The following GLDC variants were observed in gnomAD, a reference collection of about 807,000 sequenced individuals.
GLDC encodes the protein glycine dehydrogenase (decarboxylating), mitochondrial.
GLDC carries 104 observed loss-of-function variants against 121.3 expected under a neutral mutation model. That is an observed-to-expected ratio of 0.86 (90% CI 0.73 to 1.01). The LOEUF is 1.01. Ranked by LOEUF, GLDC falls within the 50% of genes least tolerant of loss-of-function variation. The probability of loss-of-function intolerance (pLI) is 0.00; values close to 1 mark genes in which losing one functional copy is unlikely to be tolerated. For missense variants in GLDC, 1,429 were observed against 1,306.6 expected (o/e 1.09, Z -1.44); for synonymous variants, 546 against 480.6 (o/e 1.14, Z -1.78).
intron 15 of GLDC, among the ~76,000 whole-genome samples, chr9:6,585,771 A>C (rs1031110216): frequency 6.6e-5 from 10 of 152,180 alleles, no homozygotes; most frequent in Non-Finnish European, 1.5e-4. Context: ...CATTTTCTAA[A>C]GATATTCTAA....
intron 3 of GLDC, among the ~76,000 whole-genome samples, chr9:6,614,079 GCCCA>G (rs1818917873): frequency 6.6e-6 from 1 of 151,864 alleles, no homozygotes; most frequent in Admixed American, 6.6e-5. Flanking sequence ...TAATTATCAC[GCCCA>G]CCCTGATAAT....
intron 15 of GLDC, among the ~76,000 whole-genome samples, chr9:6,579,066 AT>A (rs1187640018): frequency 6.6e-6 from 1 of 152,208 alleles, no homozygotes; most frequent in Non-Finnish European, 1.5e-5. Context: ...ACAGGGTAGC[AT>A]ATACTATTCC....
At chr9:6,610,123 A>C in intron 4 of GLDC, 69 bp downstream of exon 4, 1 of 1,164,896 alleles carries the variant, frequency 8.6e-7, no homozygotes, top group Non-Finnish European at 1.3e-6. Context: ...ACAATATACT[A>C]TAGAAAGAAA....
At chr9:6,560,145 G>A (rs2129740504) in intron 16 of GLDC, among the ~76,000 whole-genome samples, 1 of 152,284 alleles carries the variant, frequency 6.6e-6, no homozygotes, top group East Asian at 1.9e-4. Flanking sequence ...GTCCCAGTGG[G>A]AAAGTAAGTC....
intron 22 of GLDC, among the ~76,000 whole-genome samples, chr9:6,538,216 A>G (rs555634332): frequency 2.6e-5 from 4 of 152,024 alleles, no homozygotes; most frequent in African/African-American, 7.2e-5. Flanking sequence ...TGGTCCCCAT[A>G]TTTTGAACCA....
Position 6,539,596 on chromosome 9 carries a change from G to A in GLDC, c.2665+455C>T, listed in dbSNP as rs748309954. ...CCACTAATGCACAGGTAAAGTGTCC[G>A]TGTCTTTCAAAATGCTTCAAAGAAA... On this transcript the variant is annotated intron_variant, in intron 22 of 24. Transcript: ENST00000321612. Among the ~76,000 whole-genome samples the A allele has an allele frequency of 1.8e-4, 28 of 152,284 alleles. 1 individual carries two copies. The South Asian group carries it at 3.1e-3, about 17-fold the overall frequency.
intron 2 of GLDC, among the ~76,000 whole-genome samples, chr9:6,632,181 AT>A (rs1355476408): frequency 6.6e-6 from 1 of 152,198 alleles, no homozygotes; most frequent in East Asian, 1.9e-4. Flanking sequence ...TGCAATGAAA[AT>A]TCACCTAAAC....
At chr9:6,634,448 G>C (rs1027884515) in intron 2 of GLDC, among the ~76,000 whole-genome samples, 3 of 152,018 alleles carry the variant, frequency 2.0e-5, no homozygotes, top group South Asian at 2.1e-4. Context: ...AGGATCGCTT[G>C]AGCCTGGGAG....
intron 2 of GLDC, among the ~76,000 whole-genome samples, chr9:6,621,829 T>A (rs1393036959): frequency 6.6e-6 from 1 of 152,172 alleles, no homozygotes; most frequent in Non-Finnish European, 1.5e-5. Flanking sequence ...GAAGGGTACT[T>A]TTTAGATAGA....
intron 22 of GLDC, 81 bp from the exon 23 acceptor site, chr9:6,536,317 T>C: frequency 8.7e-7 from 1 of 1,151,692 alleles, no homozygotes; most frequent in Non-Finnish European, 1.3e-6. Flanking sequence ...TATCCCTTCT[T>C]ATATTTTATC....
intron 8 of GLDC, among the ~76,000 whole-genome samples, chr9:6,600,271 G>A (rs1440400790): frequency 6.6e-6 from 1 of 151,944 alleles, no homozygotes; most frequent in Admixed American, 6.6e-5. Flanking sequence ...AGGAGGCTGA[G>A]ACCGGAGAAT....
At chr9:6,604,828 C>G in intron 6 of GLDC, 44 bp from the exon 7 acceptor site, 1 of 1,491,330 alleles carries the variant, frequency 6.7e-7, no homozygotes. Flanking sequence ...GCTACCTTTC[C>G]CTGAGAGTAG....
intron 2 of GLDC, among the ~76,000 whole-genome samples, chr9:6,636,082 C>A (rs1819495920): frequency 6.6e-6 from 1 of 151,894 alleles, no homozygotes; most frequent in Admixed American, 6.6e-5. Flanking sequence ...GTGGGTAGAT[C>A]ATCTGAGGTC....
At chr9:6,565,519 A>G (rs749686509) in intron 15 of GLDC, 90 bp from the exon 16 acceptor site, 2 of 951,608 alleles carry the variant, frequency 2.1e-6, no homozygotes, top group African/African-American at 1.6e-5. Context: ...CCAGGGGTTC[A>G]CCAGCACGTG....
Position 6,592,235 on chromosome 9 carries a change from C to G in GLDC, c.1402-12G>C, listed in dbSNP as rs1587950372. ...AGAGAAATACCAAGCTACAGAAACA[C>G]AAACAAAATGGAAAACATCAACTCT... is the stretch of plus-strand genomic sequence containing the variant. On this transcript the variant is annotated splice_polypyrimidine_tract_variant and intron_variant, in intron 10 of 24. Coordinates refer to ENST00000321612, the MANE Select transcript of GLDC (RefSeq NM_000170.3). The G allele has an allele frequency of 6.5e-7, 1 of 1,535,188 alleles. No individual in the cohort carries two copies. The highest frequency in any genetic ancestry group is 1.7e-5 in the Admixed American group (1 of 59,926).
chr9:6,575,544 A>T (rs574902957), intron 15 of GLDC, among the ~76,000 whole-genome samples: 1 of 152,358 alleles, frequency 6.6e-6, no homozygotes, highest in African/African-American at 2.4e-5. Flanking sequence ...TGCACAATTA[A>T]TTCTGACAGC....
At chr9:6,585,970 GTGTA>G (rs1331284592) in intron 15 of GLDC, among the ~76,000 whole-genome samples, 4 of 152,184 alleles carry the variant, frequency 2.6e-5, no homozygotes, top group South Asian at 4.2e-4. Context: ...CAAATTGACT[GTGTA>G]TTAGAATCAC....
intron 4 of GLDC, among the ~76,000 whole-genome samples, chr9:6,606,953 C>T (rs1344722657): frequency 6.6e-6 from 1 of 151,970 alleles, no homozygotes; most frequent in Non-Finnish European, 1.5e-5. Flanking sequence ...ATCCCGGCTA[C>T]TTGGGAGGCT....
chr9:6,555,555 G>C (rs1159941198), intron 18 of GLDC, among the ~76,000 whole-genome samples: 1 of 151,966 alleles, frequency 6.6e-6, no homozygotes, highest in South Asian at 2.1e-4. Context: ...GATTGCCTGA[G>C]CTCAGGAGTT....
Sources: allele counts gnomAD v4.1 joint callset (sites outside exome capture counted in the v4.1 genomes callset), GRCh38; gene constraint gnomAD v4.1.1; transcripts MANE v1.5; gene names NCBI Gene and HGNC (gene_info 2026-07-23, HGNC 2026-07-21).